Variants in ZNF385D observed in about 807,000 individuals in gnomAD.
The protein encoded by ZNF385D is zinc finger protein 659.
Under a neutral mutation model 35.8 loss-of-function variants are expected in ZNF385D, and 15 were observed. That is an observed-to-expected ratio of 0.42 (90% confidence interval 0.28 to 0.64). The LOEUF (loss-of-function observed/expected upper bound fraction) is 0.64. ZNF385D is among the 30% of genes least tolerant of loss of function. The pLI is 0.23. For missense variants in ZNF385D, 474 were observed against 494.6 expected, an observed-to-expected ratio of 0.96 and a Z score of 0.39; for synonymous variants, 212 against 186.8, an observed-to-expected ratio of 1.13 and a Z score of -1.10.
chr3:21,744,013 T>C (rs772235536), intron 1 of ZNF385D, among the ~76,000 whole-genome samples: 10 of 152,172 alleles, frequency 6.6e-5, no homozygotes, highest in Non-Finnish European at 1.5e-4. Flanking sequence ...TTACAAATAA[T>C]CTTCCATTCA....
intron 2 of ZNF385D, among the ~76,000 whole-genome samples, chr3:21,621,554 C>CGTGTGTGTGTGT (rs58332425): frequency 0.13 from 17,988 of 136,770 alleles, 1,423 homozygotes; most frequent in East Asian, 0.19. Flanking sequence ...AAAAAATTCC[C>CGTGTGTGTGTGT]GTGTGTGTGT....
chr3:22,007,496 C>T (rs368558474), intron 3 of ZNF385D, among the ~76,000 whole-genome samples: 1 of 152,182 alleles, frequency 6.6e-6, no homozygotes, highest in African/African-American at 2.4e-5. Context: ...ATCCTCAGGG[C>T]ATGTGGCTAT....
chr3:22,113,493 G>A (rs967536948), intron 3 of ZNF385D, among the ~76,000 whole-genome samples: 1 of 152,026 alleles, frequency 6.6e-6, no homozygotes, highest in African/African-American at 2.4e-5. Flanking sequence ...ATGATAGAAG[G>A]CCTGGGGAGA....
At chr3:22,248,551 T>C (rs1300495017) in intron 2 of ZNF385D, among the ~76,000 whole-genome samples, 2 of 150,474 alleles carry the variant, frequency 1.3e-5, no homozygotes, top group African/African-American at 4.9e-5. Flanking sequence ...CCTCTCTAAA[T>C]TGACATTACT....
At chr3:21,716,466 C>G (rs926943132) in intron 1 of ZNF385D, among the ~76,000 whole-genome samples, 1 of 152,162 alleles carries the variant, frequency 6.6e-6, no homozygotes, top group Non-Finnish European at 1.5e-5. Flanking sequence ...TCCACCCATG[C>G]TGGCCTCTGT....
intron 2 of ZNF385D, among the ~76,000 whole-genome samples, chr3:21,633,073 T>G (rs2065326910): frequency 1.3e-5 from 2 of 152,112 alleles, no homozygotes; most frequent in Non-Finnish European, 2.9e-5. Context: ...ATTTGGTATA[T>G]TCTAGAGATT....
At chr3:22,347,933 A>G (rs1282581767) in intron 2 of ZNF385D, among the ~76,000 whole-genome samples, 1 of 152,176 alleles carries the variant, frequency 6.6e-6, no homozygotes, top group Non-Finnish European at 1.5e-5. Flanking sequence ...AGTTGCCTTC[A>G]ATATGATTGC....
At chr3:22,152,053 C>T (rs548228251) in intron 3 of ZNF385D, among the ~76,000 whole-genome samples, 1 of 152,142 alleles carries the variant, frequency 6.6e-6, no homozygotes, top group East Asian at 1.9e-4. Context: ...CCCCTCTTTG[C>T]GTCTGTGTGT....
intron 2 of ZNF385D, among the ~76,000 whole-genome samples, chr3:22,221,994 T>C (rs1260872366): frequency 1.3e-5 from 2 of 152,100 alleles, no homozygotes; most frequent in African/African-American, 4.8e-5. Flanking sequence ...GATTTTTTTT[T>C]TTAAGACAGT....
intron 2 of ZNF385D, among the ~76,000 whole-genome samples, chr3:22,306,295 GAT>G (rs1285174246): frequency 2.0e-5 from 3 of 151,906 alleles, no homozygotes; most frequent in African/African-American, 7.3e-5. Flanking sequence ...TTGTCTAATG[GAT>G]ATAAAATAGG....
At chr3:21,573,984 C>T (rs760768649) in intron 2 of ZNF385D, among the ~76,000 whole-genome samples, 2 of 145,504 alleles carry the variant, frequency 1.4e-5, no homozygotes, top group Admixed American at 7.1e-5. Flanking sequence ...CTCTTGAACC[C>T]GGGAGGTGGA....
At chr3:21,999,928 A>G (rs1317821712) in intron 3 of ZNF385D, among the ~76,000 whole-genome samples, 1 of 152,172 alleles carries the variant, frequency 6.6e-6, no homozygotes, top group Admixed American at 6.5e-5. Flanking sequence ...AAAAAATAAT[A>G]GCTAACAAGT....
At chr3:22,339,933 A>G (rs1008870462) in intron 2 of ZNF385D, among the ~76,000 whole-genome samples, 2 of 152,056 alleles carry the variant, frequency 1.3e-5, no homozygotes, top group Non-Finnish European at 2.9e-5. Context: ...CCTTCTCTGT[A>G]CCATTTGTTG....
intron 3 of ZNF385D, among the ~76,000 whole-genome samples, chr3:21,770,682 T>G (rs910070862): frequency 2.0e-5 from 3 of 152,060 alleles, no homozygotes; most frequent in African/African-American, 4.8e-5. Flanking sequence ...ACAGTGTGGT[T>G]ATTCCTCAGG....
At chr3:21,609,805 A>G (rs1575313914) in intron 2 of ZNF385D, among the ~76,000 whole-genome samples, 1 of 152,214 alleles carries the variant, frequency 6.6e-6, no homozygotes, top group East Asian at 1.9e-4. Context: ...ACAGTGGCTT[A>G]AAGTCATTTC....
intron 2 of ZNF385D, among the ~76,000 whole-genome samples, chr3:21,609,164 G>A (rs1381229876): frequency 6.6e-6 from 1 of 152,150 alleles, no homozygotes; most frequent in Non-Finnish European, 1.5e-5. Context: ...ACGAGAGTAA[G>A]AGTAAAGTCC....
intron 2 of ZNF385D, among the ~76,000 whole-genome samples, chr3:22,282,438 A>G (rs1701803575): frequency 6.6e-6 from 1 of 151,988 alleles, no homozygotes; most frequent in Non-Finnish European, 1.5e-5. Flanking sequence ...TGTCACTATT[A>G]TCATTTAGTT....
intron 3 of ZNF385D, among the ~76,000 whole-genome samples, chr3:22,058,872 T>C (rs1345291268): frequency 2.0e-5 from 3 of 152,216 alleles, no homozygotes; most frequent in Non-Finnish European, 2.9e-5. Flanking sequence ...GGGACCACTA[T>C]CCACCTCCAT....
At chr3:22,166,228 T>C (rs544036820) in intron 3 of ZNF385D, among the ~76,000 whole-genome samples, 1 of 129,128 alleles carries the variant, frequency 7.7e-6, no homozygotes, top group Non-Finnish European at 1.9e-5. Flanking sequence ...GAAAATGTTC[T>C]TACTAACATG....
Sources: allele counts gnomAD v4.1 joint callset (sites outside exome capture counted in the v4.1 genomes callset), GRCh38; gene constraint gnomAD v4.1.1; transcripts MANE v1.5; gene names NCBI Gene and HGNC (gene_info 2026-07-23, HGNC 2026-07-21).